CD96: variants seen among roughly 807,000 people sequenced by gnomAD.
CD96 encodes the protein T-cell surface protein tactile.
In CD96, 70 loss-of-function variants were observed where a neutral mutation model predicts 71.3. That is an observed-to-expected ratio of 0.98 (90% CI 0.81 to 1.20). The LOEUF is 1.20. CD96 is among the 50% of genes most tolerant of loss of function. The pLI is 0.00. For synonymous variants in CD96, 248 were observed against 233.0 expected (o/e 1.06, Z -0.59); for missense variants, 742 against 677.5 (o/e 1.10, Z -1.06).
intron 5 of CD96, among the ~76,000 whole-genome samples, chr3:111,587,153 T>C (rs1936751875): frequency 6.6e-6 from 1 of 152,138 alleles, no homozygotes; most frequent in Non-Finnish European, 1.5e-5. Flanking sequence ...TCCAAAATGA[T>C]CTCCTTTGAC....
Position 111,651,421 on chromosome 3 carries a change from G to C in CD96, c.*1615G>C, listed in dbSNP as rs1218099241. 6.6e-6 allele frequency: 1 copy of C among 152,204 alleles called. No individual in the cohort carries two copies. The highest frequency in any genetic ancestry group is 1.5e-5 in the Non-Finnish European group (1 of 68,032). 9.4% of individuals were successfully genotyped at this position (152,204 alleles called of 1,614,324 possible). A position where few individuals can be genotyped will look rare whatever the true frequency, so the allele number is the denominator to read the frequency against. ...GGGTCATGCACTTGCACAATGTTGAGAATGAGTACCACTCTCACCATTGGT... is the reference window on the plus strand; with the variant it reads ...GGGTCATGCACTTGCACAATGTTGACAATGAGTACCACTCTCACCATTGGT... On this transcript the variant is annotated 3_prime_UTR_variant, in exon 14 of 14. Transcript: ENST00000352690.
rs112851075 is a variant in CD96 at position 111,665,069 on chromosome 3, A to T, written c.*53-458A>T. On this transcript the variant is annotated intron_variant and NMD_transcript_variant, in intron 14 of 14. Coordinates refer to the CD96 transcript ENST00000494798. Reference sequence around the variant, plus strand: ...CATACACTTATACATACATACATGCATGTATAGATATACATGTATATGCAT... The same window carrying T: ...CATACACTTATACATACATACATGCTTGTATAGATATACATGTATATGCAT... Among the ~76,000 whole-genome samples, 130 of 152,316 alleles carry T rather than the reference A, an allele frequency of 8.5e-4. 2 individuals carry two copies. The highest frequency in any genetic ancestry group is 3.0e-3 in the African/African-American group (125 of 41,574).
At chr3:111,619,440 A>G (rs1156486828) in intron 8 of CD96, among the ~76,000 whole-genome samples, 1 of 152,216 alleles carries the variant, frequency 6.6e-6, no homozygotes, top group Non-Finnish European at 1.5e-5. Context: ...ATGGGTCATT[A>G]TAGTGTAACT....
At position 111,579,039 on chromosome 3, in the gene CD96, A is replaced by G. The variant is rs529471795; in HGVS notation, c.556A>G (p.Thr186Ala). Residue 186 changes from threonine to alanine, a missense_variant, in exon 4 of 14, where the codon ACT (threonine) becomes GCT (alanine). Thr to Ala is a moderately conservative substitution (Grantham distance 58). Coordinates refer to ENST00000352690, the MANE Select transcript of CD96 (RefSeq NM_005816.5). Reference sequence around the variant, plus strand: ...TTTTTCTCACCAGGAGGATAATGGAACTCAGGAAACACTTATCTCCCAAAA... The same window carrying G: ...TTTTTCTCACCAGGAGGATAATGGAGCTCAGGAAACACTTATCTCCCAAAA... ...TYAWSVEDNG[T>A]QETLISQNHL... is the part of the protein sequence containing the mutation. 3.8e-6 allele frequency: 6 copies of G among 1,595,238 alleles called. No individual in the cohort carries two copies. In the African/African-American group the frequency reaches 6.7e-5, roughly 18 times the overall value.
intron 7 of CD96, among the ~76,000 whole-genome samples, chr3:111,604,780 T>G (rs1044969002): frequency 6.6e-6 from 1 of 152,216 alleles, no homozygotes; most frequent in Non-Finnish European, 1.5e-5. Context: ...AAGAGCTAGA[T>G]AGTAAATATA....
At chr3:111,620,086 A>C (rs977815638) in intron 8 of CD96, among the ~76,000 whole-genome samples, 1 of 152,230 alleles carries the variant, frequency 6.6e-6, no homozygotes, top group African/African-American at 2.4e-5. Flanking sequence ...GGGCTTTTGC[A>C]TGGCTATGCC....
At position 111,643,976 on chromosome 3, in the gene CD96, G is replaced by GA. The variant is rs373903395; in HGVS notation, c.1478-3561dup. Among the ~76,000 whole-genome samples, 345 of 152,128 alleles carry GA rather than the reference G, an allele frequency of 2.3e-3. 1 individual carries two copies. Among genetic ancestry groups the GA allele is most frequent in the African/African-American group, 8.0e-3 (334 of 41,522 alleles). On this transcript the variant is annotated intron_variant, in intron 12 of 13. Transcript: ENST00000352690. ...ACCACCATCATTCTTTGCAGAATTAGAAAAAACAATCCTAAAATTCATATG... is the reference window on the plus strand; with the variant it reads ...ACCACCATCATTCTTTGCAGAATTAGAAAAAAACAATCCTAAAATTCATATG...
intron 8 of CD96, among the ~76,000 whole-genome samples, chr3:111,616,381 G>T (rs893316385): frequency 6.6e-6 from 1 of 152,116 alleles, no homozygotes; most frequent in Admixed American, 6.5e-5. Flanking sequence ...AAGCCATCTG[G>T]CTAGGGCTGA....
At chr3:111,603,068 T>C (rs1331176987) in intron 7 of CD96, among the ~76,000 whole-genome samples, 1 of 152,116 alleles carries the variant, frequency 6.6e-6, no homozygotes, top group Non-Finnish European at 1.5e-5. Flanking sequence ...TCAGTGACTC[T>C]TCAGGCAGCT....
intron 8 of CD96, among the ~76,000 whole-genome samples, chr3:111,621,011 A>G (rs1452626221): frequency 6.6e-6 from 1 of 152,248 alleles, no homozygotes; most frequent in Non-Finnish European, 1.5e-5. Flanking sequence ...GTTATACTTC[A>G]TCAGGATTCC....
chr3:111,610,922 A>C (rs1004210979), intron 8 of CD96, among the ~76,000 whole-genome samples: 1 of 152,236 alleles, frequency 6.6e-6, no homozygotes, highest in Admixed American at 6.5e-5. Flanking sequence ...CATGAAACTC[A>C]TAAGTATGGA....
At chr3:111,546,028 G>A (rs919791512) in intron 2 of CD96, among the ~76,000 whole-genome samples, 5 of 152,106 alleles carry the variant, frequency 3.3e-5, no homozygotes, top group Non-Finnish European at 7.4e-5. Flanking sequence ...TGACTTTCAT[G>A]TGAAAATGAG....
chr3:111,652,842 A>G (rs1430029777), downstream of CD96, among the ~76,000 whole-genome samples: 1 of 151,978 alleles, frequency 6.6e-6, no homozygotes, highest in Non-Finnish European at 1.5e-5. Context: ...GTAAATTCAT[A>G]GAGTCTGACT....
intron 12 of CD96, among the ~76,000 whole-genome samples, chr3:111,644,125 T>A (rs1170261361): frequency 6.6e-6 from 1 of 152,136 alleles, no homozygotes; most frequent in African/African-American, 2.4e-5. Context: ...ATGCTACTGG[T>A]ATAAAATACG....
At chr3:111,551,373 G>A (rs906468031) in intron 2 of CD96, among the ~76,000 whole-genome samples, 3 of 152,048 alleles carry the variant, frequency 2.0e-5, no homozygotes, top group African/African-American at 4.8e-5. Flanking sequence ...TCAGGTTTGG[G>A]GCTGCAAAAT....
At position 111,600,812 on chromosome 3, in the gene CD96, C is replaced by A; in HGVS notation, c.985C>A (p.Pro329Thr). ...SVLTRVHSNK[P>T]AQSDNLTIWC... is the part of the protein sequence containing the mutation. ...TTTAACAAGGGTACATAGTAATAAACCAGCCCAATCAGACAACTTGACCAT... is the reference window on the plus strand; with the variant it reads ...TTTAACAAGGGTACATAGTAATAAAACAGCCCAATCAGACAACTTGACCAT... The change falls in exon 7 of 14, where the codon CCA becomes ACA. Residue 329 changes from proline to threonine, a missense_variant. By Grantham distance (38) the Pro-to-Thr change is conservative. Coordinates refer to ENST00000352690, the MANE Select transcript of CD96 (RefSeq NM_005816.5). The A allele has an allele frequency of 6.2e-7, 1 of 1,612,886 alleles. No individual in the cohort carries two copies. The highest frequency in any genetic ancestry group is 8.5e-7 in the Non-Finnish European group (1 of 1,178,908).
At chr3:111,621,176 G>A (rs1208255975) in intron 8 of CD96, among the ~76,000 whole-genome samples, 1 of 152,222 alleles carries the variant, frequency 6.6e-6, no homozygotes, top group Non-Finnish European at 1.5e-5. Flanking sequence ...TTTCTAGGTA[G>A]TGGTCATGTA....
intron 12 of CD96, among the ~76,000 whole-genome samples, chr3:111,646,954 C>T (rs1053086856): frequency 6.6e-6 from 1 of 151,848 alleles, no homozygotes; most frequent in Admixed American, 6.6e-5. Flanking sequence ...CCTAAGCAAA[C>T]TCACACAGGA....
At chr3:111,642,812 A>G (rs12695245) in intron 12 of CD96, among the ~76,000 whole-genome samples, 1 of 152,092 alleles carries the variant, frequency 6.6e-6, no homozygotes, top group Non-Finnish European at 1.5e-5. Context: ...GCCTAAAAAA[A>G]AAATAAATAA....
Sources: gnomAD v4.1 joint callset for allele counts (sites outside exome capture counted in the v4.1 genomes callset) on GRCh38, gnomAD v4.1.1 for gene constraint, MANE v1.5 for transcripts, NCBI Gene and HGNC (gene_info 2026-07-23, HGNC 2026-07-21) for gene names.